CCDC73: variants seen among roughly 807,000 people sequenced by gnomAD.
The protein encoded by CCDC73 is coiled-coil domain-containing protein 73.
CCDC73 carries 95 observed loss-of-function variants against 116.5 expected under a neutral mutation model. The ratio of observed to expected loss-of-function variants is 0.82; its 90% CI spans 0.69 to 0.97. CCDC73 has a LOEUF of 0.97. CCDC73 is among the 50% of genes least tolerant of loss of function. CCDC73 has a pLI of 0.00. For synonymous variants in CCDC73, 398 were observed against 401.3 expected, an observed-to-expected ratio of 0.99 and a Z score of 0.10; for missense variants, 1,066 against 1,206.8, an observed-to-expected ratio of 0.88 and a Z score of 1.73.
At chr11:32,819,466 G>GT in the CCDC73 span, among the ~76,000 whole-genome samples, 7 of 70,862 alleles carry the variant, frequency 9.9e-5, no homozygotes, top group East Asian at 4.2e-3. Context: ...AGCAATAAGA[G>GT]GTTTTTTTTT....
At chr11:32,633,004 A>G (rs1427788603) in intron 14 of CCDC73, among the ~76,000 whole-genome samples, 1 of 152,236 alleles carries the variant, frequency 6.6e-6, no homozygotes, top group African/African-American at 2.4e-5. Flanking sequence ...TCCATGAAAT[A>G]GCAAATAAAT....
In CCDC73 at chr11:32,760,247, A is replaced by T; in HGVS notation, c.-4T>A. 3 of 1,534,820 alleles carry T rather than the reference A, an allele frequency of 2.0e-6. No homozygotes were observed. The highest frequency in any genetic ancestry group is 2.6e-6 in the Non-Finnish European group (3 of 1,132,496). ...CAGTATTGAAGTTGCTTTCCATATTAATATTTATTTCCTGTAATGTAAAAA... is the reference window on the plus strand; with the variant it reads ...CAGTATTGAAGTTGCTTTCCATATTTATATTTATTTCCTGTAATGTAAAAA... On this transcript the variant is annotated 5_prime_UTR_variant, in exon 2 of 18. Coordinates refer to ENST00000335185, the MANE Select transcript of CCDC73 (RefSeq NM_001008391.4).
At chr11:32,642,749 A>G (rs912554885) in intron 12 of CCDC73, among the ~76,000 whole-genome samples, 12 of 152,082 alleles carry the variant, frequency 7.9e-5, no homozygotes, top group Admixed American at 3.3e-4. Context: ...GTAAATTTCT[A>G]TAAAAAGATA....
intron 2 of CCDC73, among the ~76,000 whole-genome samples, chr11:32,752,091 CAT>C (rs1850291740): frequency 6.6e-6 from 1 of 152,186 alleles, no homozygotes; most frequent in Non-Finnish European, 1.5e-5. Context: ...AACTTTATGA[CAT>C]AGCTCTGGCT....
chr11:32,704,653 C>G (rs1416394255), intron 3 of CCDC73, among the ~76,000 whole-genome samples: 2 of 152,188 alleles, frequency 1.3e-5, no homozygotes, highest in African/African-American at 4.8e-5. Context: ...CCAGGGATAG[C>G]CTGAAGCCTG....
intron 9 of CCDC73, 37 bp downstream of exon 9, chr11:32,675,528 A>G (rs547040886): frequency 1.5e-6 from 2 of 1,291,142 alleles, no homozygotes; most frequent in South Asian, 2.6e-5. Context: ...TTATATTATA[A>G]TTTTTACTTA....
At chr11:32,708,499 G>C (rs1444106136) in intron 3 of CCDC73, among the ~76,000 whole-genome samples, 2 of 152,114 alleles carry the variant, frequency 1.3e-5, no homozygotes, top group Non-Finnish European at 2.9e-5. Context: ...TTGGCAATAT[G>C]GTCATTTTCA....
rs369037377 is a variant in CCDC73 at position 32,701,334 on chromosome 11, G to C, written c.280-508C>G. ...AATCAGAATCATTTGTATTATCATT[G>C]ACAGTATTTATGTTCAAGAATTTTT... On this transcript the variant is annotated intron_variant, in intron 4 of 17. Transcript: ENST00000335185. 5.3e-4 allele frequency among the ~76,000 whole-genome samples: 81 copies of C among 152,082 alleles called. No homozygotes were observed. The South Asian group carries it at 0.016, about 30-fold the overall frequency.
At chr11:32,678,865 A>G (rs1298776736) in intron 7 of CCDC73, among the ~76,000 whole-genome samples, 1 of 138,610 alleles carries the variant, frequency 7.2e-6, no homozygotes, top group Non-Finnish European at 1.5e-5. Context: ...CCTGGGTGAC[A>G]GAGCAAGGCT....
rs1400553584 is a variant in CCDC73, at chr11:32,789,061, T to C, written c.-16+5552A>G. Among the ~76,000 whole-genome samples, 4 of 152,224 alleles carry C rather than the reference T, an allele frequency of 2.6e-5. No homozygotes were observed. The East Asian group carries it at 7.7e-4, about 29-fold the overall frequency. On this transcript the variant is annotated intron_variant, in intron 1 of 17. Transcript: ENST00000335185. ...TTCAACAGCAAATTAGATAAGATAG[T>C]ATCTAGTGCAATTCTAGCTGTCAAA...
intron 2 of CCDC73, among the ~76,000 whole-genome samples, chr11:32,744,815 C>T (rs1429936653): frequency 6.6e-6 from 1 of 152,106 alleles, no homozygotes; most frequent in East Asian, 1.9e-4. Flanking sequence ...ATTAGTCTTG[C>T]TAGCAGTCTA....
intron 1 of CCDC73, among the ~76,000 whole-genome samples, chr11:32,780,144 C>T (rs151179521): frequency 2.0e-5 from 3 of 151,924 alleles, no homozygotes; most frequent in African/African-American, 7.3e-5. Context: ...TATGATGGCA[C>T]ATGCCTGTAA....
the CCDC73 span, among the ~76,000 whole-genome samples, chr11:32,813,098 A>C: frequency 6.6e-6 from 1 of 151,728 alleles, no homozygotes; most frequent in African/African-American, 2.4e-5. Context: ...TATATTTTGA[A>C]TATCTTTGTT....
At chr11:32,822,018 C>A in the CCDC73 span, among the ~76,000 whole-genome samples, 1 of 152,146 alleles carries the variant, frequency 6.6e-6, no homozygotes, top group Non-Finnish European at 1.5e-5. Flanking sequence ...CTTCAGGGCT[C>A]AGCTGTTATT....
chr11:32,719,340 A>AT (rs1849971077), intron 2 of CCDC73, among the ~76,000 whole-genome samples: 2 of 152,120 alleles, frequency 1.3e-5, no homozygotes, highest in South Asian at 4.1e-4. Context: ...AATCTAGGAG[A>AT]TTTTTTGTTT....
chr11:32,636,316 G>C (rs1462814724), intron 13 of CCDC73, among the ~76,000 whole-genome samples: 1 of 151,750 alleles, frequency 6.6e-6, no homozygotes, highest in African/African-American at 2.4e-5. Context: ...TAATTTTCTT[G>C]TTACAAATTG....
At chr11:32,776,923 GT>G (rs1354344855) in intron 1 of CCDC73, among the ~76,000 whole-genome samples, 1 of 83,716 alleles carries the variant, frequency 1.2e-5, no homozygotes, top group Non-Finnish European at 2.1e-5. Context: ...ACAGAGTATG[GT>G]TAAAAAAAAA....
intron 1 of CCDC73, among the ~76,000 whole-genome samples, chr11:32,783,897 G>C (rs910507096): frequency 6.6e-6 from 1 of 152,206 alleles, no homozygotes; most frequent in Non-Finnish European, 1.5e-5. Flanking sequence ...AACCAGTCCA[G>C]ATTAAAGTGG....
chr11:32,817,933 G>T, the CCDC73 span, among the ~76,000 whole-genome samples: 2 of 152,156 alleles, frequency 1.3e-5, no homozygotes, highest in African/African-American at 2.4e-5. Flanking sequence ...ATCATCACAG[G>T]CTTTCCCACT....
Sources: gnomAD v4.1 joint callset for allele counts (sites outside exome capture counted in the v4.1 genomes callset) on GRCh38, gnomAD v4.1.1 for gene constraint, MANE v1.5 for transcripts, NCBI Gene and HGNC (gene_info 2026-07-23, HGNC 2026-07-21) for gene names.